Variants in ZCCHC4 observed in about 807,000 individuals in gnomAD.
ZCCHC4 encodes the protein rRNA N(6)-adenosine-methyltransferase ZCCHC4.
ZCCHC4 carries 54 observed loss-of-function variants against 67.7 expected under a neutral mutation model. That is an observed-to-expected ratio of 0.80 (90% CI 0.64 to 1.00). ZCCHC4 has a LOEUF of 1.00. Among genes scored for constraint, ZCCHC4 ranks in the 50% least tolerant of loss-of-function variants. ZCCHC4 has a pLI of 0.00. For synonymous variants in ZCCHC4, 198 were observed against 213.5 expected, an observed-to-expected ratio of 0.93 and a Z score of 0.63; for missense variants, 609 against 617.0, an observed-to-expected ratio of 0.99 and a Z score of 0.14.
At chr4:25,313,048 T>C (rs1389007196) in intron 1 of ZCCHC4, 112 bp downstream of exon 1, 11 of 1,457,736 alleles carry the variant, frequency 7.5e-6, no homozygotes, top group Non-Finnish European at 1.0e-5. Context: ...CTCACCAGTG[T>C]GCTGCCTAGA....
chr4:25,319,694 A>T (rs978960667), intron 3 of ZCCHC4, among the ~76,000 whole-genome samples: 5 of 151,998 alleles, frequency 3.3e-5, no homozygotes, highest in African/African-American at 1.2e-4. Context: ...TAAATAACCT[A>T]TTCTCTTTGT....
At chr4:25,314,322 A>T (rs184186412) in intron 2 of ZCCHC4, among the ~76,000 whole-genome samples, 158 bp downstream of exon 2, 2 of 152,292 alleles carry the variant, frequency 1.3e-5, no homozygotes, top group East Asian at 3.9e-4. Flanking sequence ...AAATGAGTTC[A>T]TGTTTACTCT....
intron 1 of ZCCHC4, among the ~76,000 whole-genome samples, chr4:25,313,715 A>G (rs1205671587): frequency 6.6e-6 from 1 of 152,060 alleles, no homozygotes; most frequent in East Asian, 1.9e-4. Context: ...GTCTACAAAA[A>G]AAGAAAAACA....
intron 3 of ZCCHC4, among the ~76,000 whole-genome samples, chr4:25,324,138 A>C (rs1370105778): frequency 6.7e-6 from 1 of 150,160 alleles, no homozygotes; most frequent in Non-Finnish European, 1.5e-5. Flanking sequence ...CAGCCTCCCA[A>C]GTAGCTGGGA....
At chr4:25,317,862 T>C (rs1432616691) in intron 3 of ZCCHC4, among the ~76,000 whole-genome samples, 1 of 152,200 alleles carries the variant, frequency 6.6e-6, no homozygotes. Context: ...CTTTATCATG[T>C]TCACATTATG....
At chr4:25,316,877 A>G (rs916035724) in intron 3 of ZCCHC4, among the ~76,000 whole-genome samples, 6 of 152,228 alleles carry the variant, frequency 3.9e-5, no homozygotes, top group African/African-American at 1.4e-4. Flanking sequence ...ATCAGAACCC[A>G]TTATCAAATC....
intron 8 of ZCCHC4, among the ~76,000 whole-genome samples, chr4:25,360,867 A>G (rs1444274240): frequency 2.0e-5 from 3 of 152,224 alleles, no homozygotes; most frequent in African/African-American, 7.2e-5. Flanking sequence ...TTGCAGTCCA[A>G]CCTAGTACTG....
chr4:25,362,193 G>A (rs1197383959), intron 9 of ZCCHC4, 33 bp from the exon 10 acceptor site: 1 of 1,566,796 alleles, frequency 6.4e-7, no homozygotes, highest in African/African-American at 1.4e-5. Flanking sequence ...CTCAATAAAT[G>A]TATGCAGCTG....
chr4:25,344,140 A>G (rs1480921777), intron 5 of ZCCHC4, among the ~76,000 whole-genome samples: 2 of 152,168 alleles, frequency 1.3e-5, no homozygotes, highest in Non-Finnish European at 2.9e-5. Flanking sequence ...TAAGTAGTCA[A>G]ATGCAGATTT....
chr4:25,342,765 G>C (rs1200784923), intron 5 of ZCCHC4, among the ~76,000 whole-genome samples: 1 of 152,052 alleles, frequency 6.6e-6, no homozygotes, highest in Non-Finnish European at 1.5e-5. Context: ...CATTTTAAGA[G>C]GGCAATGTTG....
At chr4:25,356,499 A>G (rs1305656207) in intron 8 of ZCCHC4, among the ~76,000 whole-genome samples, 4 of 152,040 alleles carry the variant, frequency 2.6e-5, no homozygotes, top group Non-Finnish European at 2.9e-5. Flanking sequence ...CAAGCAATCA[A>G]CCACCTTCCT....
chr4:25,341,364 C>T (rs1719749692), intron 5 of ZCCHC4, among the ~76,000 whole-genome samples: 1 of 152,066 alleles, frequency 6.6e-6, no homozygotes, highest in African/African-American at 2.4e-5. Flanking sequence ...TGGCTTGATG[C>T]TGTCTTTGTG....
At position 25,361,965 on chromosome 4, in the gene ZCCHC4, C is replaced by A. The variant is rs1720757755; in HGVS notation, c.1118C>A (p.Thr373Asn). 8 of 1,613,944 alleles carry A rather than the reference C, an allele frequency of 5.0e-6. No individual in the cohort carries two copies. The highest frequency in any genetic ancestry group is 6.8e-6 in the Non-Finnish European group (8 of 1,179,954). The change falls in exon 9 of 13, where the codon ACT (threonine) becomes AAT (asparagine). Residue 373 changes from threonine to asparagine, a missense_variant. Coordinates refer to ENST00000302874, the MANE Select transcript of ZCCHC4 (RefSeq NM_024936.3). ...CCGCCCAACAAAATAATCCTTCCTA[C>A]TGAAGAAGGGTACAGGTAAGATCAC... ...NIPPNKIILP[T>N]EEGYRFCSPC... is the part of the protein sequence containing the mutation.
At chr4:25,345,849 A>T (rs1480939577) in intron 6 of ZCCHC4, among the ~76,000 whole-genome samples, 2 of 152,232 alleles carry the variant, frequency 1.3e-5, no homozygotes, top group South Asian at 4.1e-4. Flanking sequence ...ACATTCTTAG[A>T]AGGCCCGTGG....
chr4:25,337,382 C>T (rs1316801820), intron 5 of ZCCHC4, among the ~76,000 whole-genome samples: 2 of 152,218 alleles, frequency 1.3e-5, no homozygotes, highest in African/African-American at 4.8e-5. Flanking sequence ...CAGACAGCTT[C>T]CTTCCTACTG....
intron 1 of ZCCHC4, among the ~76,000 whole-genome samples, chr4:25,313,258 C>T (rs1019963412): frequency 6.6e-6 from 1 of 152,166 alleles, no homozygotes; most frequent in African/African-American, 2.4e-5. Context: ...TGTTGATTTG[C>T]TCTCCCTTCA....
chr4:25,326,186 G>A (rs140823169), intron 3 of ZCCHC4, among the ~76,000 whole-genome samples: 20 of 152,300 alleles, frequency 1.3e-4, no homozygotes, highest in East Asian at 3.9e-4. Context: ...TTTTTCCAGC[G>A]TCTGGGACCA....
intron 5 of ZCCHC4, among the ~76,000 whole-genome samples, chr4:25,343,755 C>T (rs1719861432): frequency 6.6e-6 from 1 of 152,192 alleles, no homozygotes; most frequent in African/African-American, 2.4e-5. Context: ...AGTGCTGTCC[C>T]TTACATTAAA....
rs191545038 is a variant in ZCCHC4, at chr4:25,349,780, T to C, written c.910+138T>C. On this transcript the variant is annotated intron_variant, in intron 7 of 12. Coordinates refer to ENST00000302874, the MANE Select transcript of ZCCHC4 (RefSeq NM_024936.3). ...TCTTTTTAAAAACAGGCTTATTTGA[T>C]GTTGCAGCAAACTTCATTATCATGA... The C allele has an allele frequency of 3.7e-5, 32 of 870,316 alleles. 1 individual carries two copies. In the East Asian group the frequency reaches 4.0e-4, roughly 11 times the overall value. The allele number at this position is 870,316 out of a possible 1,614,324, so 53.9% of individuals were successfully genotyped here.
Sources: gnomAD v4.1 joint callset for allele counts (sites outside exome capture counted in the v4.1 genomes callset) on GRCh38, gnomAD v4.1.1 for gene constraint, MANE v1.5 for transcripts, NCBI Gene and HGNC (gene_info 2026-07-23, HGNC 2026-07-21) for gene names.